CCDC191: variants seen among roughly 807,000 people sequenced by gnomAD.
CCDC191 encodes coiled-coil domain containing 191.
Under a neutral mutation model 114.0 loss-of-function variants are expected in CCDC191, and 99 were observed. The ratio of observed to expected loss-of-function variants is 0.87; its 90% CI spans 0.74 to 1.03. CCDC191 has a LOEUF of 1.03. Among genes scored for constraint, CCDC191 ranks in the 50% least tolerant of loss-of-function variants. The probability of loss-of-function intolerance (pLI) is 0.00; values close to 1 mark genes in which losing one functional copy is unlikely to be tolerated. For synonymous variants in CCDC191, 351 were observed against 376.0 expected, an observed-to-expected ratio of 0.93 and a Z score of 0.77; for missense variants, 973 against 1,087.0, an observed-to-expected ratio of 0.90 and a Z score of 1.47.
intron 16 of CCDC191, among the ~76,000 whole-genome samples, chr3:113,968,462 T>C (rs77862559): frequency 0.041 from 5,993 of 144,856 alleles, 137 homozygotes; most frequent in Middle Eastern, 0.1. Context: ...TTCCCCCCCC[T>C]TTTTTTTTTA....
At chr3:114,052,182 G>T (rs1435898413) in intron 2 of CCDC191, among the ~76,000 whole-genome samples, 4 of 151,896 alleles carry the variant, frequency 2.6e-5, no homozygotes, top group African/African-American at 7.2e-5. Context: ...AGACTTATTG[G>T]TTTTTTTCAA....
chr3:114,056,188 G>A (rs940698889), intron 1 of CCDC191, among the ~76,000 whole-genome samples, 189 bp downstream of exon 1: 2 of 152,118 alleles, frequency 1.3e-5, no homozygotes, highest in Admixed American at 6.6e-5. Flanking sequence ...CACCAAAGCC[G>A]TAATGTGCCC....
chr3:114,001,581 T>G lies in CCDC191; in HGVS notation c.2163+14A>C. ...CCTCAAGATACAGGGACTGACCAAA[T>G]AGACAATACTAACCATTTTCTTCAG... On this transcript the variant is annotated intron_variant, in intron 13 of 16. Transcript: ENST00000295878. 1 of 1,613,426 alleles carries G rather than the reference T, an allele frequency of 6.2e-7. No homozygotes were observed. The highest frequency in any genetic ancestry group is 8.5e-7 in the Non-Finnish European group (1 of 1,179,574).
chr3:114,047,831 C>T (rs1479817683), intron 2 of CCDC191, among the ~76,000 whole-genome samples: 2 of 151,820 alleles, frequency 1.3e-5, no homozygotes, highest in African/African-American at 2.4e-5. Context: ...AAAAATTAGC[C>T]GGGTGTGGTG....
chr3:114,002,463 T>C lies in CCDC191; in HGVS notation c.2054A>G (p.Glu685Gly). The change falls in exon 12 of 17, where the codon GAA (glutamate) becomes GGA (glycine). Residue 685 changes from glutamate to glycine, a missense_variant. Transcript: ENST00000295878. ...GCATTTTGAATCTATTACCAATTTT[T>C]CTTCTTCTTGTTTTTTCTTCTTCTC... ...LAEKKKKQEE[E>G]KLAQLKAQEE... is the part of the protein sequence containing the mutation. 1 of 1,608,192 alleles carries C rather than the reference T, an allele frequency of 6.2e-7. No individual in the cohort carries two copies. Among genetic ancestry groups the C allele is most frequent in the Non-Finnish European group, 8.5e-7 (1 of 1,177,166 alleles).
chr3:114,035,181 C>T (rs2076466222), intron 5 of CCDC191, 33 bp from the exon 6 acceptor site: 1 of 1,507,802 alleles, frequency 6.6e-7, no homozygotes, highest in Non-Finnish European at 9.2e-7. Context: ...TGAAGTGTGG[C>T]CTTTCAAGTA....
intron 11 of CCDC191, chr3:114,004,350 C>A: frequency 9.9e-7 from 1 of 1,006,132 alleles, no homozygotes. Context: ...CTTTTTTTTT[C>A]ACAATCCAAA....
chr3:114,008,237 G>A (rs182159726), intron 9 of CCDC191, among the ~76,000 whole-genome samples: 3 of 148,248 alleles, frequency 2.0e-5, no homozygotes, highest in Non-Finnish European at 4.4e-5. Flanking sequence ...GTTCCATACA[G>A]CTCTTTCTTA....
At chr3:114,029,348 A>G (rs1443120761) in intron 7 of CCDC191, among the ~76,000 whole-genome samples, 1 of 152,240 alleles carries the variant, frequency 6.6e-6, no homozygotes, top group African/African-American at 2.4e-5. Context: ...CAATGAGCTC[A>G]TACTGAATAA....
At chr3:114,025,775 C>T (rs905725356) in intron 7 of CCDC191, among the ~76,000 whole-genome samples, 1 of 152,166 alleles carries the variant, frequency 6.6e-6, no homozygotes, top group African/African-American at 2.4e-5. Flanking sequence ...TAGAGACCTT[C>T]TTCCCCATCT....
At chr3:114,008,108 C>G (rs1011958697) in intron 9 of CCDC191, among the ~76,000 whole-genome samples, 3 of 143,820 alleles carry the variant, frequency 2.1e-5, no homozygotes, top group Admixed American at 1.4e-4. Flanking sequence ...ATATATATTA[C>G]TATATATAAA....
chr3:113,982,490 T>C (rs748790896), intron 13 of CCDC191, among the ~76,000 whole-genome samples: 4 of 152,146 alleles, frequency 2.6e-5, no homozygotes, highest in Non-Finnish European at 5.9e-5. Context: ...ATGGCACTTA[T>C]AGTGGGGATC....
intron 8 of CCDC191, among the ~76,000 whole-genome samples, chr3:114,014,278 AAAAGTTTT>A (rs1236072326): frequency 6.6e-6 from 1 of 152,208 alleles, no homozygotes; most frequent in African/African-American, 2.4e-5. Flanking sequence ...AACTGTTTTA[AAAAGTTTT>A]AAAGTTTTAA....
chr3:114,021,460 A>G (rs1385118413), intron 7 of CCDC191, among the ~76,000 whole-genome samples: 3 of 149,638 alleles, frequency 2.0e-5, no homozygotes, highest in Non-Finnish European at 3.0e-5. Context: ...ATTTAAATTA[A>G]AAAAAAAAGT....
Position 114,018,835 on chromosome 3 carries a change from G to T in CCDC191, c.1006C>A (p.Leu336Met). The change falls in exon 8 of 17, where the codon CTG (leucine) becomes ATG (methionine). Residue 336 changes from leucine (L) to methionine (M), a missense_variant. Transcript: ENST00000295878. ...QKRYFAAWHK[L>M]ILDHRIKLGK... Reference sequence around the variant, plus strand: ...AGCTTAATCCTATGATCAAGAATCAGCTTGTGCCAGGCAGCGAAATACCGT... The same window carrying T: ...AGCTTAATCCTATGATCAAGAATCATCTTGTGCCAGGCAGCGAAATACCGT... 1 of 1,613,672 alleles carries T rather than the reference G, an allele frequency of 6.2e-7. No individual in the cohort carries two copies. Among genetic ancestry groups the T allele is most frequent in the African/African-American group, 1.3e-5 (1 of 74,974 alleles).
At chr3:113,974,233 G>C (rs1263722373) in intron 16 of CCDC191, among the ~76,000 whole-genome samples, 1 of 151,734 alleles carries the variant, frequency 6.6e-6, no homozygotes, top group Non-Finnish European at 1.5e-5. Flanking sequence ...ATGTTGGTTA[G>C]AGTTTACATA....
In CCDC191 at chr3:114,005,534, T is replaced by C; in HGVS notation, c.1842A>G (p.Glu614=). The C allele has an allele frequency of 6.2e-7, 1 of 1,611,588 alleles. No homozygotes were observed. The highest frequency in any genetic ancestry group is 1.1e-5 in the South Asian group (1 of 90,714). The change falls in exon 10 of 17, where the codon GAA becomes GAG. Residue 614 remains glutamate (E), a synonymous_variant. Coordinates refer to ENST00000295878, the MANE Select transcript of CCDC191 (RefSeq NM_020817.2). ...TCACAAGCATCTGGCAGGTTCTTGG[T>C]TCCTCTTCTCTGGGCTTTGACAGCA... is the stretch of plus-strand genomic sequence containing the variant. ...SHLLSKPREE[E]PRTCQMLVNS... is the part of the protein sequence containing the mutation.
rs774809348 is a variant in CCDC191 at position 113,965,370 on chromosome 3, A to G, written c.2607-11T>C. On this transcript the variant is annotated splice_polypyrimidine_tract_variant and intron_variant, in intron 16 of 16. Coordinates refer to ENST00000295878, the MANE Select transcript of CCDC191 (RefSeq NM_020817.2). Reference sequence around the variant, plus strand: ...ATCCAGAGGATCCTCCTTTAAGAATAAAGAAGGAAAAAAGTGAAATGTTGA... The same window carrying G: ...ATCCAGAGGATCCTCCTTTAAGAATGAAGAAGGAAAAAAGTGAAATGTTGA... 2 of 1,526,264 alleles carry G rather than the reference A, an allele frequency of 1.3e-6. No individual in the cohort carries two copies. The highest frequency in any genetic ancestry group is 2.8e-5 in the African/African-American group (2 of 71,502). 94.5% of individuals were successfully genotyped at this position (1,526,264 alleles called of 1,614,324 possible). A position where few individuals can be genotyped will look rare whatever the true frequency, so the allele number is the denominator to read the frequency against.
chr3:114,046,409 G>T (rs1017313601), intron 3 of CCDC191, among the ~76,000 whole-genome samples, 182 bp downstream of exon 3: 2 of 152,158 alleles, frequency 1.3e-5, no homozygotes, highest in African/African-American at 4.8e-5. Context: ...AACAAAATGA[G>T]GCTTAAGTAT....
Sources: allele counts gnomAD v4.1 joint callset (sites outside exome capture counted in the v4.1 genomes callset), GRCh38; gene constraint gnomAD v4.1.1; transcripts MANE v1.5; gene names NCBI Gene and HGNC (gene_info 2026-07-23, HGNC 2026-07-21).